PTPRD: variants seen among roughly 807,000 people sequenced by gnomAD.
The protein encoded by PTPRD is protein tyrosine phosphatase receptor type D.
Under a neutral mutation model 214.5 loss-of-function variants are expected in PTPRD, and 34 were observed. The observed-to-expected ratio is 0.16, with a 90% CI of 0.12 to 0.21. PTPRD has a LOEUF of 0.21. Ranked by LOEUF, PTPRD falls within the 10% of genes least tolerant of loss-of-function variation. The probability of loss-of-function intolerance (pLI) is 1.00; values close to 1 mark genes in which losing one functional copy is unlikely to be tolerated. For synonymous variants in PTPRD, 1,128 were observed against 845.7 expected (o/e 1.33, Z -5.79); for missense variants, 2,545 against 2,398.7 (o/e 1.06, Z -1.27).
chr9:8,679,337 T>C (rs1198119049), intron 12 of PTPRD, among the ~76,000 whole-genome samples: 4 of 152,214 alleles, frequency 2.6e-5, no homozygotes, highest in Admixed American at 6.5e-5. Context: ...AATTCCTATT[T>C]CTAAAACTGC....
At chr9:9,761,107 A>G (rs2098651677) in intron 6 of PTPRD, among the ~76,000 whole-genome samples, 1 of 152,374 alleles carries the variant, frequency 6.6e-6, no homozygotes, top group South Asian at 2.1e-4. Flanking sequence ...ACAAATGCTT[A>G]TACATTAGTG....
intron 9 of PTPRD, among the ~76,000 whole-genome samples, chr9:9,203,551 C>G (rs2099943122): frequency 6.6e-6 from 1 of 152,126 alleles, no homozygotes; most frequent in African/African-American, 2.4e-5. Flanking sequence ...AATCTTCTAT[C>G]AGTCCCACTG....
chr9:9,135,658 C>T (rs2099849716), intron 10 of PTPRD, among the ~76,000 whole-genome samples: 1 of 151,796 alleles, frequency 6.6e-6, no homozygotes. Context: ...TTCATTAATC[C>T]AATACTGAAC....
chr9:9,094,225 C>T (rs1342996729), intron 10 of PTPRD, among the ~76,000 whole-genome samples: 1 of 152,056 alleles, frequency 6.6e-6, no homozygotes, highest in Admixed American at 6.6e-5. Flanking sequence ...CACATGCACA[C>T]GCATATTTAT....
chr9:9,393,090 A>G (rs1199399335), intron 9 of PTPRD, among the ~76,000 whole-genome samples: 3 of 152,076 alleles, frequency 2.0e-5, no homozygotes, highest in Admixed American at 1.3e-4. Flanking sequence ...TTTTTACCCA[A>G]TAAATTGTTA....
At chr9:8,887,620 T>C (rs1398284253) in intron 11 of PTPRD, among the ~76,000 whole-genome samples, 1 of 152,208 alleles carries the variant, frequency 6.6e-6, no homozygotes, top group Non-Finnish European at 1.5e-5. Context: ...ATTTTTTTAT[T>C]GCCCATCTAA....
In PTPRD at chr9:10,451,275, A is replaced by G. The variant is rs73390329; in HGVS notation, c.-599-110258T>C. Among the ~76,000 whole-genome samples the G allele has an allele frequency of 1.0e-2, 1,518 of 152,048 alleles. 36 individuals are homozygous for G. The highest frequency in any genetic ancestry group is 0.029 in the African/African-American group (1,195 of 41,360). ...AGCAGAGAAATAAATTATTGTTACA[A>G]TTTATGAATTACATTTGCTTATTTC... On this transcript the variant is annotated intron_variant, in intron 2 of 45. Transcript: ENST00000381196.
chr9:9,153,705 G>C (rs1250034968), intron 10 of PTPRD, among the ~76,000 whole-genome samples: 1 of 152,092 alleles, frequency 6.6e-6, no homozygotes, highest in African/African-American at 2.4e-5. Context: ...TTGGTAAATA[G>C]GTGGCAAATT....
At chr9:8,832,102 A>ATATG (rs753500855) in intron 11 of PTPRD, among the ~76,000 whole-genome samples, 2 of 108,406 alleles carry the variant, frequency 1.8e-5, no homozygotes, top group African/African-American at 8.9e-5. Context: ...ATGTATGTGT[A>ATATG]TATGTGTGTG....
intron 8 of PTPRD, among the ~76,000 whole-genome samples, chr9:9,450,038 C>T (rs1447209291): frequency 6.6e-6 from 1 of 151,828 alleles, no homozygotes; most frequent in East Asian, 1.9e-4. Context: ...CCAGCTCCAA[C>T]CAAAGCGCTG....
At chr9:10,278,926 C>T (rs548063302) in intron 3 of PTPRD, among the ~76,000 whole-genome samples, 4 of 152,150 alleles carry the variant, frequency 2.6e-5, no homozygotes, top group Non-Finnish European at 2.9e-5. Context: ...AGGCACACAC[C>T]ACCACGCCAG....
At chr9:8,817,775 T>C (rs1206706499) in intron 11 of PTPRD, among the ~76,000 whole-genome samples, 1 of 152,228 alleles carries the variant, frequency 6.6e-6, no homozygotes, top group Non-Finnish European at 1.5e-5. Context: ...CTAACAACCA[T>C]CTTAAATTTC....
At chr9:9,439,178 T>A (rs1425715898) in intron 8 of PTPRD, among the ~76,000 whole-genome samples, 1 of 128,934 alleles carries the variant, frequency 7.8e-6, no homozygotes, top group Non-Finnish European at 1.7e-5. Flanking sequence ...ATAAACAAGA[T>A]CTGTTAATAC....
intron 12 of PTPRD, among the ~76,000 whole-genome samples, chr9:8,698,850 A>G (rs1437175972): frequency 2.6e-5 from 4 of 152,162 alleles, no homozygotes; most frequent in Admixed American, 2.0e-4. Context: ...TGTTCTTAAC[A>G]TGCCCAATAA....
intron 7 of PTPRD, among the ~76,000 whole-genome samples, chr9:9,613,123 TATACATAC>T (rs1261914205): frequency 3.0e-4 from 13 of 43,894 alleles, no homozygotes; most frequent in African/African-American, 7.1e-4. Flanking sequence ...TAGGCTGCAG[TATACATAC>T]ATACATATAT....
chr9:8,952,962 T>C (rs895396683), intron 11 of PTPRD, among the ~76,000 whole-genome samples: 2 of 152,028 alleles, frequency 1.3e-5, no homozygotes, highest in Non-Finnish European at 2.9e-5. Context: ...TGTTAGGTTA[T>C]ACCTACTGCA....
At chr9:8,493,528 A>C (rs2097192417) in intron 26 of PTPRD, among the ~76,000 whole-genome samples, 1 of 152,176 alleles carries the variant, frequency 6.6e-6, no homozygotes, top group South Asian at 2.1e-4. Context: ...AATTTTGCCA[A>C]ATGGTTGTTG....
At chr9:9,956,274 C>T (rs1334891437) in intron 4 of PTPRD, among the ~76,000 whole-genome samples, 1 of 127,084 alleles carries the variant, frequency 7.9e-6, no homozygotes, top group African/African-American at 2.9e-5. Context: ...TGATTAAAGT[C>T]AAACTTAAAA....
chr9:9,100,601 TGAAAC>T (rs2154440646), intron 10 of PTPRD, among the ~76,000 whole-genome samples: 1 of 151,948 alleles, frequency 6.6e-6, no homozygotes, highest in South Asian at 2.1e-4. Context: ...TACCAGAAAA[TGAAAC>T]AAAACAAAAC....
Sources: allele counts gnomAD v4.1 joint callset (sites outside exome capture counted in the v4.1 genomes callset), GRCh38; gene constraint gnomAD v4.1.1; transcripts MANE v1.5; gene names NCBI Gene and HGNC (gene_info 2026-07-23, HGNC 2026-07-21).